The following MBNL1 variants were observed in gnomAD, a reference collection of about 807,000 sequenced individuals.
MBNL1 encodes muscleblind like splicing regulator 1.
In MBNL1, 8 loss-of-function variants were observed where a neutral mutation model predicts 42.2. That is an observed-to-expected ratio of 0.19 (90% CI 0.11 to 0.34). MBNL1 has a LOEUF of 0.34. Among genes scored for constraint, MBNL1 ranks in the 10% least tolerant of loss-of-function variants. MBNL1 has a pLI of 1.00. For synonymous variants in MBNL1, 169 were observed against 173.9 expected, an observed-to-expected ratio of 0.97 and a Z score of 0.22; for missense variants, 309 against 495.3, an observed-to-expected ratio of 0.62 and a Z score of 3.57.
At chr3:152,405,033 TC>T (rs1290138995) in intron 2 of MBNL1, among the ~76,000 whole-genome samples, 1 of 152,170 alleles carries the variant, frequency 6.6e-6, no homozygotes, top group African/African-American at 2.4e-5. Flanking sequence ...TCTAAATTTT[TC>T]CCATTACACT....
At chr3:152,269,861 T>G (rs1435354897) in intron 1 of MBNL1, 1 of 155,786 alleles carries the variant, frequency 6.4e-6, no homozygotes, top group Non-Finnish European at 1.4e-5. Context: ...AAGTAGTTAG[T>G]ACTTGGGTTC....
chr3:152,300,208 C>T lies in MBNL1; in HGVS notation c.15C>T (p.Val5=), dbSNP rs2060155416. The T allele has an allele frequency of 6.2e-7, 1 of 1,600,520 alleles. No homozygotes were observed. Among genetic ancestry groups the T allele is most frequent in the South Asian group, 1.1e-5 (1 of 89,430 alleles). Residue 5 remains valine (V), a synonymous_variant, in exon 2 of 10, where the codon GTC becomes GTT. Transcript: ENST00000324210. ...AAAATCTAAACATGGCTGTTAGTGT[C>T]ACACCAATTCGGGACACAAAATGGC... MAVS[V]TPIRDTKWLT... is the part of the protein sequence containing the mutation.
At chr3:152,420,674 A>G (rs914663483) in intron 3 of MBNL1, among the ~76,000 whole-genome samples, 2 of 152,238 alleles carry the variant, frequency 1.3e-5, no homozygotes, top group Non-Finnish European at 2.9e-5. Flanking sequence ...ACCAGCTCAA[A>G]AAGGCTGAAA....
intron 2 of MBNL1, among the ~76,000 whole-genome samples, chr3:152,356,616 C>T (rs919642879): frequency 2.6e-5 from 4 of 152,076 alleles, no homozygotes; most frequent in African/African-American, 4.8e-5. Flanking sequence ...ATTACACGTT[C>T]GCACCACCAC....
rs146877293 is a variant in MBNL1, at chr3:152,274,562, T to C, written c.-790+5470T>C. On this transcript the variant is annotated intron_variant, in intron 1 of 9. Coordinates refer to ENST00000324210, the MANE Select transcript of MBNL1 (RefSeq NM_021038.5). ...ATAAAGGGAACAGTCCTTAAATGCATAAATAATGGGAACAAAAGGTATTCA... is the reference window on the plus strand; with the variant it reads ...ATAAAGGGAACAGTCCTTAAATGCACAAATAATGGGAACAAAAGGTATTCA... Among the ~76,000 whole-genome samples the C allele has an allele frequency of 5.7e-3, 866 of 152,292 alleles. 9 individuals are homozygous for C. The highest frequency in any genetic ancestry group is 0.02 in the African/African-American group (837 of 41,580).
intron 2 of MBNL1, among the ~76,000 whole-genome samples, chr3:152,363,814 A>C (rs1305667432): frequency 1.3e-5 from 2 of 152,076 alleles, no homozygotes; most frequent in Non-Finnish European, 2.9e-5. Flanking sequence ...TCATTACCTT[A>C]TTTGATATAT....
At chr3:152,279,289 T>G (rs2047041137) in intron 1 of MBNL1, among the ~76,000 whole-genome samples, 1 of 152,072 alleles carries the variant, frequency 6.6e-6, no homozygotes, top group South Asian at 2.1e-4. Context: ...AGAAATTATC[T>G]TATTTGCCTA....
At chr3:152,247,612 T>A (rs1412159313) in intron 2 of MBNL1, among the ~76,000 whole-genome samples, 4 of 152,022 alleles carry the variant, frequency 2.6e-5, no homozygotes, top group African/African-American at 9.7e-5. Flanking sequence ...AAATATAACT[T>A]GTTATTTGAG....
chr3:152,417,122 ATGACTGT>A (rs2098715095), intron 3 of MBNL1, among the ~76,000 whole-genome samples: 3 of 152,218 alleles, frequency 2.0e-5, no homozygotes, highest in Non-Finnish European at 4.4e-5. Flanking sequence ...TGGGACTTTA[ATGACTGT>A]AGAGAAAGCT....
chr3:152,462,236 ACTCTT>A (rs1432262287), intron 9 of MBNL1, 144 bp from the exon 10 acceptor site: 1 of 152,084 alleles, frequency 6.6e-6, no homozygotes, highest in Admixed American at 6.6e-5. Context: ...TGATCTGTCT[ACTCTT>A]GTAAAATGGT....
At chr3:152,439,052 C>T (rs569015898) in intron 4 of MBNL1, among the ~76,000 whole-genome samples, 3 of 152,268 alleles carry the variant, frequency 2.0e-5, no homozygotes, top group African/African-American at 7.2e-5. Flanking sequence ...GGTGGGCAAA[C>T]GACTTGGTTT....
At chr3:152,402,345 A>G (rs375352916) in intron 2 of MBNL1, among the ~76,000 whole-genome samples, 4 of 152,126 alleles carry the variant, frequency 2.6e-5, no homozygotes, top group African/African-American at 9.7e-5. Context: ...TCTTATCCTC[A>G]TTTTCATAGA....
rs60509782 is a variant in MBNL1, at chr3:152,407,209, C to CTTTTTTTTTT, written c.175-7715_175-7706dup. Among the ~76,000 whole-genome samples, 91 of 54,350 alleles carry CTTTTTTTTTT rather than the reference C, an allele frequency of 1.7e-3. 2 individuals carry two copies. Among genetic ancestry groups the CTTTTTTTTTT allele is most frequent in the Non-Finnish European group, 2.4e-3 (59 of 24,492 alleles). The allele number at this position is 54,350 out of a possible 152,430, so 35.7% of individuals were successfully genotyped here. On this transcript the variant is annotated intron_variant, in intron 2 of 9. Coordinates refer to ENST00000324210, the MANE Select transcript of MBNL1 (RefSeq NM_021038.5). ...GGGATTATATCAGTGGAAATATGTTCTTTTTTTTTTTTTTTTTTTTTTTTT... is the reference window on the plus strand; with the variant it reads ...GGGATTATATCAGTGGAAATATGTTCTTTTTTTTTTTTTTTTTTTTTTTTTTTTTTTTTTT...
At chr3:152,417,439 A>G (rs959649975) in intron 3 of MBNL1, among the ~76,000 whole-genome samples, 2 of 152,192 alleles carry the variant, frequency 1.3e-5, no homozygotes, top group African/African-American at 4.8e-5. Flanking sequence ...GTCATATCAA[A>G]GAAGATAAAT....
chr3:152,456,304 C>T lies in MBNL1; in HGVS notation c.1035C>T (p.Ser345=), dbSNP rs764817392. 65 of 1,613,814 alleles carry T rather than the reference C, an allele frequency of 4.0e-5. No individual in the cohort carries two copies. In the East Asian group the frequency reaches 1.2e-3, roughly 29 times the overall value. The part of the protein sequence containing the change: ...MVHGATPATV[S]AATTSATSVP... ...ACGGTGCTACGCCAGCCACTGTGTC[C>T]GCAGCAACAACATCTGCCACAAGTG... The change falls in exon 8 of 10, where the codon TCC becomes TCT. Residue 345 remains serine, a synonymous_variant. Coordinates refer to ENST00000324210, the MANE Select transcript of MBNL1 (RefSeq NM_021038.5).
At chr3:152,360,107 A>G (rs750913351) in intron 2 of MBNL1, among the ~76,000 whole-genome samples, 11 of 152,136 alleles carry the variant, frequency 7.2e-5, no homozygotes, top group Non-Finnish European at 1.2e-4. Context: ...CAAATGTTTA[A>G]TCATCCTAAT....
chr3:152,454,433 A>G (rs1406597746), intron 6 of MBNL1, among the ~76,000 whole-genome samples: 1 of 152,194 alleles, frequency 6.6e-6, no homozygotes, highest in African/African-American at 2.4e-5. Context: ...ATATGCTAAG[A>G]TTTAGATAGA....
intron 2 of MBNL1, among the ~76,000 whole-genome samples, chr3:152,303,065 T>A (rs1456079508): frequency 1.3e-5 from 2 of 152,028 alleles, no homozygotes; most frequent in Non-Finnish European, 2.9e-5. Context: ...AAAGTATTCA[T>A]TTATGTAAAA....
chr3:152,280,331 C>T (rs888269837), intron 1 of MBNL1, among the ~76,000 whole-genome samples: 7 of 152,040 alleles, frequency 4.6e-5, no homozygotes, highest in African/African-American at 1.7e-4. Flanking sequence ...TCTTTAGATA[C>T]TTTGTATATA....
Sources: gnomAD v4.1 joint callset for allele counts (sites outside exome capture counted in the v4.1 genomes callset) on GRCh38, gnomAD v4.1.1 for gene constraint, MANE v1.5 for transcripts, NCBI Gene and HGNC (gene_info 2026-07-23, HGNC 2026-07-21) for gene names.